The following GABRB1 variants were observed in gnomAD, a reference collection of about 807,000 sequenced individuals.
GABRB1 encodes gamma-aminobutyric acid type A receptor subunit beta1, also known as gamma-aminobutyric acid receptor subunit beta-1.
In GABRB1, 17 loss-of-function variants were observed where a neutral mutation model predicts 51.6. The ratio of observed to expected loss-of-function variants is 0.33; its 90% CI spans 0.23 to 0.49. The LOEUF (loss-of-function observed/expected upper bound fraction) is 0.49, where lower values mean the gene tolerates loss of function less well. GABRB1 is among the 20% of genes least tolerant of loss of function. The probability of loss-of-function intolerance (pLI) is 0.99; values close to 1 mark genes in which losing one functional copy is unlikely to be tolerated. For synonymous variants in GABRB1, 247 were observed against 218.9 expected (o/e 1.13, Z -1.14); for missense variants, 410 against 600.6 (o/e 0.68, Z 3.32).
rs79611869 is a variant in GABRB1 at position 47,181,947 on chromosome 4, A to G, written c.461+20478A>G. Among the ~76,000 whole-genome samples the G allele has an allele frequency of 2.0e-5, 3 of 152,120 alleles. No individual in the cohort carries two copies. The East Asian group carries it at 5.8e-4, about 29-fold the overall frequency. ...ATGTCTTGCTCAAAGATACTTAGTT[A>G]AGGGATCCAACTGTGTTTGGATGGC... On this transcript the variant is annotated intron_variant, in intron 4 of 8. Transcript: ENST00000295454.
chr4:47,140,424 G>A (rs1474288493), intron 3 of GABRB1, among the ~76,000 whole-genome samples: 2 of 151,808 alleles, frequency 1.3e-5, no homozygotes, highest in African/African-American at 2.4e-5. Context: ...AATATGAATG[G>A]CATCCAAGTA....
chr4:47,196,587 G>A (rs1387396394), intron 4 of GABRB1, among the ~76,000 whole-genome samples: 1 of 152,150 alleles, frequency 6.6e-6, no homozygotes, highest in African/African-American at 2.4e-5. Context: ...AAGACCTTCT[G>A]GAGTTATGGC....
At position 47,190,230 on chromosome 4, in the gene GABRB1, G is replaced by C. The variant is rs899576847; in HGVS notation, c.461+28761G>C. 1.1e-4 allele frequency among the ~76,000 whole-genome samples: 16 copies of C among 152,182 alleles called. 1 individual carries two copies. Among genetic ancestry groups the C allele is most frequent in the Admixed American group, 7.2e-4 (11 of 15,254 alleles). Reference sequence around the variant, plus strand: ...AGCCATCATTAGGAAAATGAATTAAGAAAATAATTGTTATGTGTCATAAGA... The same window carrying C: ...AGCCATCATTAGGAAAATGAATTAACAAAATAATTGTTATGTGTCATAAGA... On this transcript the variant is annotated intron_variant, in intron 4 of 8. Transcript: ENST00000295454.
At chr4:47,378,630 A>G (rs1727481999) in intron 5 of GABRB1, among the ~76,000 whole-genome samples, 1 of 152,134 alleles carries the variant, frequency 6.6e-6, no homozygotes, top group South Asian at 2.1e-4. Flanking sequence ...GACTACAGGC[A>G]TGCACCACCA....
chr4:47,100,548 A>T lies in GABRB1; in HGVS notation c.241-60701A>T, dbSNP rs1036615744. On this transcript the variant is annotated intron_variant, in intron 3 of 8. Coordinates refer to ENST00000295454, the MANE Select transcript of GABRB1 (RefSeq NM_000812.4). ...GTAAAGTGGGACCCTTACTCCTAGA[A>T]ATCTCTCCTTTTTCCTCATCTAGAA... 2.0e-5 allele frequency among the ~76,000 whole-genome samples: 3 copies of T among 152,086 alleles called. No individual in the cohort carries two copies. The East Asian group carries it at 5.8e-4, about 29-fold the overall frequency.
At chr4:47,325,120 T>C (rs760274114) in intron 5 of GABRB1, among the ~76,000 whole-genome samples, 57 of 152,162 alleles carry the variant, frequency 3.7e-4, no homozygotes, top group Non-Finnish European at 6.9e-4. Context: ...AAGATGTAAA[T>C]TGGGTCATAT....
intron 5 of GABRB1, among the ~76,000 whole-genome samples, chr4:47,339,539 A>ATG (rs1491459884): frequency 8.7e-6 from 1 of 115,026 alleles, no homozygotes; most frequent in African/African-American, 3.7e-5. Flanking sequence ...GTATGTGTGC[A>ATG]TATGTGTGTG....
intron 3 of GABRB1, among the ~76,000 whole-genome samples, chr4:47,063,571 A>T (rs1726933063): frequency 6.6e-6 from 1 of 152,148 alleles, no homozygotes; most frequent in South Asian, 2.1e-4. Flanking sequence ...GACCACTCCA[A>T]CTCTATCTGA....
At chr4:47,366,770 T>G (rs1272546302) in intron 5 of GABRB1, among the ~76,000 whole-genome samples, 4 of 152,234 alleles carry the variant, frequency 2.6e-5, no homozygotes, top group Non-Finnish European at 5.9e-5. Context: ...CAAGTTTAGT[T>G]TCCATTATGA....
chr4:47,192,470 C>A (rs1342118753), intron 4 of GABRB1, among the ~76,000 whole-genome samples: 1 of 152,142 alleles, frequency 6.6e-6, no homozygotes, highest in Non-Finnish European at 1.5e-5. Context: ...ACATTTGGGT[C>A]TGTCATTTAA....
intron 5 of GABRB1, among the ~76,000 whole-genome samples, chr4:47,342,730 T>C (rs933691887): frequency 6.6e-6 from 1 of 152,110 alleles, no homozygotes; most frequent in Non-Finnish European, 1.5e-5. Flanking sequence ...ACAGAATCCA[T>C]CAATGTGGTC....
At chr4:47,177,811 C>G (rs1464325173) in intron 4 of GABRB1, among the ~76,000 whole-genome samples, 1 of 104,806 alleles carries the variant, frequency 9.5e-6, no homozygotes, top group Non-Finnish European at 1.9e-5. Context: ...GAAATAAGAA[C>G]AGTGGTTTTT....
At chr4:47,344,628 A>AT (rs375164017) in intron 5 of GABRB1, among the ~76,000 whole-genome samples, 2 of 152,034 alleles carry the variant, frequency 1.3e-5, no homozygotes, top group Admixed American at 6.6e-5. Context: ...TTGGATTTAC[A>AT]TTTTTTTAAA....
chr4:47,400,411 A>AT (rs1044709296), intron 5 of GABRB1, among the ~76,000 whole-genome samples: 1 of 151,494 alleles, frequency 6.6e-6, no homozygotes, highest in African/African-American at 2.4e-5. Flanking sequence ...ATGCATTGTT[A>AT]TTTTTTCTTG....
At chr4:47,106,097 A>AT (rs1173848983) in intron 3 of GABRB1, among the ~76,000 whole-genome samples, 4 of 151,994 alleles carry the variant, frequency 2.6e-5, no homozygotes, top group East Asian at 1.9e-4. Context: ...AAATTATCTG[A>AT]TTTTTTGTTG....
chr4:47,160,967 AT>A (rs1210035044), intron 3 of GABRB1, among the ~76,000 whole-genome samples: 4 of 151,794 alleles, frequency 2.6e-5, no homozygotes, highest in East Asian at 1.9e-4. Context: ...TAAAAAAATT[AT>A]TTTTTGTAGA....
At chr4:47,310,118 T>C (rs1233764531) in intron 4 of GABRB1, among the ~76,000 whole-genome samples, 1 of 152,220 alleles carries the variant, frequency 6.6e-6, no homozygotes, top group Non-Finnish European at 1.5e-5. Context: ...CTAAACTGTC[T>C]TGCATTGCAA....
intron 4 of GABRB1, among the ~76,000 whole-genome samples, chr4:47,177,815 GGT>G (rs1491315091): frequency 1.7e-3 from 108 of 62,320 alleles, no homozygotes; most frequent in African/African-American, 2.5e-3. Flanking sequence ...TAAGAACAGT[GGT>G]TTTTTTTTTT....
intron 3 of GABRB1, among the ~76,000 whole-genome samples, chr4:47,050,785 A>G (rs1726315310): frequency 6.6e-6 from 1 of 152,172 alleles, no homozygotes. Context: ...AAAAACTTCA[A>G]TCATAAATTC....
Sources: allele counts gnomAD v4.1 joint callset (sites outside exome capture counted in the v4.1 genomes callset), GRCh38; gene constraint gnomAD v4.1.1; transcripts MANE v1.5; gene names NCBI Gene and HGNC (gene_info 2026-07-23, HGNC 2026-07-21).